Variants in PELI2 observed in about 807,000 individuals in gnomAD.
PELI2 encodes the protein E3 ubiquitin-protein ligase pellino homolog 2.
In PELI2, 23 loss-of-function variants were observed where a neutral mutation model predicts 42.3. The ratio of observed to expected loss-of-function variants is 0.54; its 90% confidence interval spans 0.39 to 0.77. The LOEUF is 0.77. PELI2 is among the 30% of genes least tolerant of loss of function. The pLI, the probability that PELI2 is intolerant of heterozygous loss-of-function variation, is 0.00. For synonymous variants in PELI2, 245 were observed against 212.2 expected (o/e 1.15, Z -1.34); for missense variants, 463 against 553.2 (o/e 0.84, Z 1.64).
In PELI2 at chr14:56,280,324, G is replaced by T. The variant is rs75410148; in HGVS notation, c.309+547G>T. Reference sequence around the variant, plus strand: ...CAGCAATTAAGAAAGTACAGGATGGGTTTGGGCATAGTTTTAGTGGTATAT... The same window carrying T: ...CAGCAATTAAGAAAGTACAGGATGGTTTTGGGCATAGTTTTAGTGGTATAT... On this transcript the variant is annotated intron_variant, in intron 3 of 5. Coordinates refer to ENST00000267460, the MANE Select transcript of PELI2 (RefSeq NM_021255.3). Among the ~76,000 whole-genome samples, 1,168 of 152,102 alleles carry T rather than the reference G, an allele frequency of 7.7e-3. 16 individuals carry two copies. Among genetic ancestry groups the T allele is most frequent in the African/African-American group, 0.027 (1,122 of 41,498 alleles).
intron 2 of PELI2, among the ~76,000 whole-genome samples, chr14:56,207,077 C>T (rs1886543924): frequency 6.6e-6 from 1 of 152,080 alleles, no homozygotes; most frequent in Non-Finnish European, 1.5e-5. Flanking sequence ...ATTACCACCC[C>T]AGAGCAGAGT....
intron 2 of PELI2, among the ~76,000 whole-genome samples, chr14:56,228,044 A>G (rs1045821431): frequency 5.3e-5 from 8 of 152,254 alleles, no homozygotes; most frequent in Non-Finnish European, 1.0e-4. Flanking sequence ...AAAATAATGT[A>G]TCACTCCTAA....
At chr14:56,173,157 C>T (rs1190697812) in intron 1 of PELI2, among the ~76,000 whole-genome samples, 2 of 152,182 alleles carry the variant, frequency 1.3e-5, no homozygotes, top group Non-Finnish European at 2.9e-5. Flanking sequence ...CCCTGTAATT[C>T]CTGTTCCTAA....
intron 2 of PELI2, among the ~76,000 whole-genome samples, chr14:56,235,438 G>A (rs1184397099): frequency 6.6e-6 from 1 of 152,236 alleles, no homozygotes; most frequent in Non-Finnish European, 1.5e-5. Flanking sequence ...GTGAACTCCA[G>A]TTGACATCTT....
At chr14:56,226,938 T>C (rs527824824) in intron 2 of PELI2, among the ~76,000 whole-genome samples, 1 of 152,368 alleles carries the variant, frequency 6.6e-6, no homozygotes, top group African/African-American at 2.4e-5. Context: ...CTTTTTACTT[T>C]ATGAAATACT....
intron 2 of PELI2, among the ~76,000 whole-genome samples, chr14:56,236,952 G>A (rs921068050): frequency 8.5e-5 from 13 of 152,312 alleles, no homozygotes; most frequent in Non-Finnish European, 1.5e-4. Context: ...TACTGAGGCT[G>A]TGGTCCTTTG....
intron 1 of PELI2, among the ~76,000 whole-genome samples, chr14:56,175,346 C>T (rs956660579): frequency 6.6e-6 from 1 of 152,178 alleles, no homozygotes; most frequent in African/African-American, 2.4e-5. Flanking sequence ...TTCTCTAATG[C>T]GTCCTGCCAT....
At chr14:56,189,411 G>A (rs892351781) in intron 2 of PELI2, among the ~76,000 whole-genome samples, 1 of 152,202 alleles carries the variant, frequency 6.6e-6, no homozygotes, top group Non-Finnish European at 1.5e-5. Flanking sequence ...AGCTCTTCAA[G>A]CTTCCGCCTG....
At chr14:56,159,002 G>A (rs1015246529) in intron 1 of PELI2, among the ~76,000 whole-genome samples, 1 of 152,150 alleles carries the variant, frequency 6.6e-6, no homozygotes, top group African/African-American at 2.4e-5. Context: ...ACTTCTTTCT[G>A]AAAGAGTATT....
Position 56,300,753 on chromosome 14 carries a change from C to T in PELI2, c.*3587C>T, listed in dbSNP as rs1002780022. The T allele has an allele frequency of 3.3e-5, 5 of 152,116 alleles. No individual in the cohort carries two copies. Among genetic ancestry groups the T allele is most frequent in the African/African-American group, 4.8e-5 (2 of 41,416 alleles). 9.4% of individuals were successfully genotyped at this position (152,116 alleles called of 1,614,324 possible). A position where few individuals can be genotyped will look rare whatever the true frequency, so the allele number is the denominator to read the frequency against. ...CAGGACTTTGATTTTAAGCCAAATC[C>T]ATCTCCATCCCTTTACTGTCAATCT... is the stretch of plus-strand genomic sequence containing the variant. On this transcript the variant is annotated 3_prime_UTR_variant, in exon 6 of 6. Transcript: ENST00000267460.
intron 4 of PELI2, among the ~76,000 whole-genome samples, chr14:56,289,057 A>G (rs933199084): frequency 3.3e-5 from 5 of 152,240 alleles, no homozygotes; most frequent in Admixed American, 2.0e-4. Flanking sequence ...TTATGGGATT[A>G]CAGAGAACAA....
intron 2 of PELI2, among the ~76,000 whole-genome samples, chr14:56,241,558 G>C (rs1468095193): frequency 6.6e-6 from 1 of 152,146 alleles, no homozygotes; most frequent in Non-Finnish European, 1.5e-5. Context: ...CAGGAGTTGG[G>C]GGGAAGCAGA....
intron 1 of PELI2, among the ~76,000 whole-genome samples, chr14:56,122,770 C>T (rs994038844): frequency 2.0e-5 from 3 of 152,156 alleles, no homozygotes; most frequent in Non-Finnish European, 4.4e-5. Flanking sequence ...TTTTCATTCA[C>T]TTATGAGTGT....
rs1279090982 is a variant in PELI2, at chr14:56,297,151, A to G, written c.1248A>G (p.Gln416=). Residue 416 remains glutamine (Q), a synonymous_variant, in exon 6 of 6, where the codon CAA becomes CAG. Coordinates refer to ENST00000267460, the MANE Select transcript of PELI2 (RefSeq NM_021255.3). ...AAAACTGCATCAAATTAATTTTCCAAGGTCCAATTGACTGACGCCCTTGAC... is the reference window on the plus strand; with the variant it reads ...AAAACTGCATCAAATTAATTTTCCAGGGTCCAATTGACTGACGCCCTTGAC... ...GEQNCIKLIF[Q]GPID 1.3e-6 allele frequency: 2 copies of G among 1,599,584 alleles called. No individual in the cohort carries two copies. The highest frequency in any genetic ancestry group is 4.5e-5 in the East Asian group (2 of 44,800).
chr14:56,131,252 A>G (rs954220244), intron 1 of PELI2, among the ~76,000 whole-genome samples: 1 of 152,180 alleles, frequency 6.6e-6, no homozygotes, highest in Non-Finnish European at 1.5e-5. Flanking sequence ...TGCCAGCTCT[A>G]AGGCTTTGAT....
At chr14:56,177,651 A>G in intron 1 of PELI2, among the ~76,000 whole-genome samples, 1 of 152,200 alleles carries the variant, frequency 6.6e-6, no homozygotes, top group East Asian at 1.9e-4. Flanking sequence ...CTGCTTAAGG[A>G]CATTATATGT....
intron 2 of PELI2, among the ~76,000 whole-genome samples, chr14:56,271,221 C>A (rs142436722): frequency 1.3e-5 from 2 of 152,176 alleles, no homozygotes; most frequent in Non-Finnish European, 2.9e-5. Context: ...GGCTGCCGCA[C>A]GCTCGCTGTA....
intron 1 of PELI2, among the ~76,000 whole-genome samples, chr14:56,143,159 CTT>C (rs1342316839): frequency 6.6e-6 from 1 of 152,114 alleles, no homozygotes; most frequent in African/African-American, 2.4e-5. Context: ...GACCATGACT[CTT>C]TTGTTGAGTA....
chr14:56,233,179 CA>C (rs1217434899), intron 2 of PELI2, among the ~76,000 whole-genome samples: 1 of 152,110 alleles, frequency 6.6e-6, no homozygotes, highest in Non-Finnish European at 1.5e-5. Context: ...CCATACTGCC[CA>C]AGGTAATTTA....
Sources: allele counts gnomAD v4.1 joint callset (sites outside exome capture counted in the v4.1 genomes callset), GRCh38; gene constraint gnomAD v4.1.1; transcripts MANE v1.5; gene names NCBI Gene and HGNC (gene_info 2026-07-23, HGNC 2026-07-21).